The following SMAD3 variants were observed in gnomAD, a reference collection of about 807,000 sequenced individuals.
SMAD3 encodes MAD homolog 3.
Under a neutral mutation model 51.8 loss-of-function variants are expected in SMAD3, and 12 were observed. The ratio of observed to expected loss-of-function variants is 0.23; its 90% CI spans 0.15 to 0.38. The LOEUF is 0.38. Ranked by LOEUF, SMAD3 falls within the 10% of genes least tolerant of loss-of-function variation. The pLI is 1.00. For missense variants in SMAD3, 294 were observed against 565.6 expected (o/e 0.52, Z 4.87); for synonymous variants, 238 against 227.7 (o/e 1.05, Z -0.41).
intron 1 of SMAD3, among the ~76,000 whole-genome samples, chr15:67,068,593 AG>A (rs1370702675): frequency 6.6e-6 from 1 of 152,152 alleles, no homozygotes. Context: ...GTTAGGACTG[AG>A]GCATCTTCTG....
At chr15:67,129,598 T>A (rs770978311) in intron 1 of SMAD3, among the ~76,000 whole-genome samples, 1 of 152,334 alleles carries the variant, frequency 6.6e-6, no homozygotes, top group Non-Finnish European at 1.5e-5. Flanking sequence ...TGTCTCTGGT[T>A]TCAGGCATCC....
chr15:67,137,974 C>T, intron 1 of SMAD3: 1 of 1,336,646 alleles, frequency 7.5e-7, no homozygotes, highest in Non-Finnish European at 1.1e-6. Context: ...CTGTATTGTC[C>T]TTATCATCAG....
chr15:67,157,892 A>G (rs546080083), intron 1 of SMAD3, among the ~76,000 whole-genome samples: 46 of 152,196 alleles, frequency 3.0e-4, no homozygotes, highest in Non-Finnish European at 5.6e-4. Context: ...CTAGGGAAGA[A>G]TATATTTAAG....
chr15:67,103,699 C>T (rs1445528366), intron 1 of SMAD3, among the ~76,000 whole-genome samples: 1 of 152,112 alleles, frequency 6.6e-6, no homozygotes, highest in African/African-American at 2.4e-5. Context: ...CACCCCTGTG[C>T]GGTTTTCCTA....
At chr15:67,085,399 A>T (rs564206146) in intron 1 of SMAD3, among the ~76,000 whole-genome samples, 60 of 152,286 alleles carry the variant, frequency 3.9e-4, no homozygotes, top group African/African-American at 1.4e-3. Flanking sequence ...GCAGGATTTT[A>T]AAGTTTCTTC....
chr15:67,157,134 AAG>A (rs1447745744), intron 1 of SMAD3, among the ~76,000 whole-genome samples: 1 of 152,216 alleles, frequency 6.6e-6, no homozygotes, highest in Non-Finnish European at 1.5e-5. Flanking sequence ...CAAGTTGAAA[AAG>A]AAAGTTTGTC....
At chr15:67,130,786 G>A (rs572695598) in intron 1 of SMAD3, among the ~76,000 whole-genome samples, 1 of 152,332 alleles carries the variant, frequency 6.6e-6, no homozygotes, top group East Asian at 1.9e-4. Context: ...CTTTGGTTGG[G>A]GTGGTGTATG....
intron 1 of SMAD3, among the ~76,000 whole-genome samples, chr15:67,120,640 T>A (rs951228025): frequency 6.6e-6 from 1 of 151,494 alleles, no homozygotes; most frequent in African/African-American, 2.4e-5. Flanking sequence ...CCGTGGAGAG[T>A]GTGGGAATCT....
Position 67,164,484 on chromosome 15 carries a change from A to G in SMAD3, c.207-411A>G, listed in dbSNP as rs539833458. On this transcript the variant is annotated intron_variant, in intron 1 of 8. Transcript: ENST00000327367. Reference sequence around the variant, plus strand: ...GTAGTCCTCATATCTGTGCCTAAAGAACTCTCATTGTCTTCCCCAGCCCTG... The same window carrying G: ...GTAGTCCTCATATCTGTGCCTAAAGGACTCTCATTGTCTTCCCCAGCCCTG... Among the ~76,000 whole-genome samples the G allele has an allele frequency of 2.0e-5, 3 of 152,294 alleles. No homozygotes were observed. In the East Asian group the frequency reaches 5.8e-4, roughly 29 times the overall value.
At chr15:67,069,040 G>A (rs1959990904) in intron 1 of SMAD3, among the ~76,000 whole-genome samples, 1 of 152,164 alleles carries the variant, frequency 6.6e-6, no homozygotes, top group Admixed American at 6.5e-5. Flanking sequence ...GGAGCCCTCA[G>A]TCTAAGGAGA....
chr15:67,194,328 G>C lies in SMAD3; in HGVS notation c.*3792G>C. 4.3e-6 allele frequency: 1 copy of C among 233,196 alleles called. No homozygotes were observed. The highest frequency in any genetic ancestry group is 8.5e-6 in the Non-Finnish European group (1 of 117,926). The allele number at this position is 233,196 out of a possible 1,614,324, so 14.4% of individuals were successfully genotyped here. A position where few individuals can be genotyped will look rare whatever the true frequency, so the allele number is the denominator to read the frequency against. On this transcript the variant is annotated 3_prime_UTR_variant, in exon 9 of 9. Coordinates refer to ENST00000327367, the MANE Select transcript of SMAD3 (RefSeq NM_005902.4). The stretch of plus-strand genomic sequence containing the variant: ...AAGTGGGTAGGGAAAGCAGAAAAAC[G>C]TACGCAAGAGGACATGGATCCAAAA...
intron 1 of SMAD3, among the ~76,000 whole-genome samples, chr15:67,116,484 C>T (rs377734394): frequency 3.9e-5 from 6 of 152,184 alleles, no homozygotes; most frequent in East Asian, 1.9e-4. Context: ...GCCCATCTCA[C>T]GGGGTGTGTG....
chr15:67,073,809 G>A (rs2140196990), intron 1 of SMAD3, among the ~76,000 whole-genome samples: 1 of 152,274 alleles, frequency 6.6e-6, no homozygotes, highest in East Asian at 1.9e-4. Flanking sequence ...TGAGTAGCTG[G>A]GATTACAGGC....
chr15:67,083,640 G>A (rs939731448), intron 1 of SMAD3, among the ~76,000 whole-genome samples: 7 of 152,188 alleles, frequency 4.6e-5, no homozygotes, highest in African/African-American at 1.7e-4. Flanking sequence ...GGTTTCGTGT[G>A]CTTTCAATGT....
intron 1 of SMAD3, among the ~76,000 whole-genome samples, chr15:67,125,204 G>T (rs948672210): frequency 6.6e-6 from 1 of 152,220 alleles, no homozygotes; most frequent in Non-Finnish European, 1.5e-5. Flanking sequence ...GACAGTTCTT[G>T]CTTGGGCACT....
chr15:67,188,580 G>T (rs1371687284), intron 8 of SMAD3, among the ~76,000 whole-genome samples: 3 of 152,210 alleles, frequency 2.0e-5, no homozygotes, highest in Admixed American at 6.5e-5. Context: ...CGGAGAGGCA[G>T]GGCTGTGTGC....
intron 1 of SMAD3, among the ~76,000 whole-genome samples, chr15:67,137,356 G>T (rs547094012): frequency 6.6e-6 from 1 of 151,994 alleles, no homozygotes; most frequent in African/African-American, 2.4e-5. Flanking sequence ...CTTCCTTTTC[G>T]CTTTTTTAAA....
intron 1 of SMAD3, among the ~76,000 whole-genome samples, chr15:67,088,973 TAG>T (rs1245666857): frequency 6.6e-6 from 1 of 152,084 alleles, no homozygotes; most frequent in Non-Finnish European, 1.5e-5. Flanking sequence ...TAGGGCTGAC[TAG>T]AGACCTTTGT....
intron 1 of SMAD3, among the ~76,000 whole-genome samples, chr15:67,102,066 C>G (rs1960770155): frequency 6.6e-6 from 1 of 152,170 alleles, no homozygotes; most frequent in Non-Finnish European, 1.5e-5. Context: ...GGCACCTGAT[C>G]TGTTTAAGGC....
Sources: allele counts gnomAD v4.1 joint callset (sites outside exome capture counted in the v4.1 genomes callset), GRCh38; gene constraint gnomAD v4.1.1; transcripts MANE v1.5; gene names NCBI Gene and HGNC (gene_info 2026-07-23, HGNC 2026-07-21).